Variants in DMRT1 observed in about 807,000 individuals in gnomAD.
DMRT1 encodes doublesex and mab-3 related transcription factor 1.
A neutral mutation model predicts 32.3 loss-of-function variants in DMRT1; 7 were observed. The observed-to-expected ratio is 0.22, with a 90% confidence interval of 0.12 to 0.41. DMRT1 has a LOEUF of 0.41. Ranked by LOEUF, DMRT1 falls within the 10% of genes least tolerant of loss-of-function variation. The pLI is 1.00. For missense variants in DMRT1, 625 were observed against 500.5 expected (o/e 1.25, Z -2.37); for synonymous variants, 278 against 206.1 (o/e 1.35, Z -2.99).
At chr9:902,866 C>G (rs982370843) in intron 3 of DMRT1, among the ~76,000 whole-genome samples, 25 of 152,028 alleles carry the variant, frequency 1.6e-4, no homozygotes, top group African/African-American at 6.0e-4. Context: ...CACAGGAACC[C>G]CAAGTAGGTT....
At chr9:930,629 C>G (rs186595063) in intron 4 of DMRT1, among the ~76,000 whole-genome samples, 1 of 151,940 alleles carries the variant, frequency 6.6e-6, no homozygotes, top group South Asian at 2.1e-4. Flanking sequence ...AGGATGGTCT[C>G]GATCTCCTGA....
intron 2 of DMRT1, among the ~76,000 whole-genome samples, chr9:874,689 C>G (rs544012637): frequency 1.3e-5 from 2 of 152,068 alleles, no homozygotes; most frequent in African/African-American, 4.8e-5. Flanking sequence ...TATGCATCCT[C>G]TCTGTGGACA....
intron 3 of DMRT1, among the ~76,000 whole-genome samples, chr9:911,262 T>A (rs1341728525): frequency 6.6e-6 from 1 of 152,096 alleles, no homozygotes; most frequent in Non-Finnish European, 1.5e-5. Context: ...CGTCTCCAGA[T>A]GTTGCCAGAT....
In DMRT1 at chr9:968,513, G is replaced by T; in HGVS notation, c.*374G>T. ...TAAAATGAAATCTTAGGTGCCTTAGGGGTTTTTTTTTTTTTTAAGTATTTT... is the reference window on the plus strand; with the variant it reads ...TAAAATGAAATCTTAGGTGCCTTAGTGGTTTTTTTTTTTTTTAAGTATTTT... On this transcript the variant is annotated 3_prime_UTR_variant, in exon 5 of 5. Transcript: ENST00000382276. The T allele has an allele frequency of 1.1e-5, 1 of 93,888 alleles. No homozygotes were observed. Among genetic ancestry groups the T allele is most frequent in the Non-Finnish European group, 2.1e-5 (1 of 47,150 alleles). The allele number at this position is 93,888 out of a possible 1,614,324, so 5.8% of individuals were successfully genotyped here. A position where few individuals can be genotyped will look rare whatever the true frequency, so the allele number is the denominator to read the frequency against.
chr9:904,942 C>CAA (rs71327357), intron 3 of DMRT1, among the ~76,000 whole-genome samples: 3,513 of 135,230 alleles, frequency 0.026, 108 homozygotes, highest in African/African-American at 0.071. Flanking sequence ...AACTCCGTCT[C>CAA]AAAAAAAAAA....
chr9:933,156 A>G (rs1395373507), intron 4 of DMRT1, among the ~76,000 whole-genome samples: 2 of 152,106 alleles, frequency 1.3e-5, no homozygotes, highest in Non-Finnish European at 2.9e-5. Flanking sequence ...CAGGTGATCA[A>G]TCCACCCTCC....
At chr9:862,007 C>G (rs1815721226) in intron 2 of DMRT1, among the ~76,000 whole-genome samples, 1 of 151,512 alleles carries the variant, frequency 6.6e-6, no homozygotes, top group African/African-American at 2.4e-5. Context: ...AGGTGCTCCT[C>G]ACTTCCCAGA....
At chr9:964,910 G>C (rs1444873088) in intron 4 of DMRT1, among the ~76,000 whole-genome samples, 4 of 152,164 alleles carry the variant, frequency 2.6e-5, no homozygotes, top group Non-Finnish European at 4.4e-5. Context: ...GACGCTAGGA[G>C]TTAGCATTTT....
intron 3 of DMRT1, among the ~76,000 whole-genome samples, chr9:896,060 C>T: frequency 6.6e-6 from 1 of 151,956 alleles, no homozygotes; most frequent in East Asian, 1.9e-4. Flanking sequence ...ACCTCAGCCT[C>T]CCAAAGTGCT....
intron 3 of DMRT1, among the ~76,000 whole-genome samples, chr9:915,450 G>T (rs1424980607): frequency 6.6e-6 from 1 of 151,932 alleles, no homozygotes; most frequent in East Asian, 2.0e-4. Context: ...CCTAAAGGCA[G>T]GGTCTGGTTG....
chr9:953,502 C>A (rs564984088), intron 4 of DMRT1, among the ~76,000 whole-genome samples: 6 of 152,282 alleles, frequency 3.9e-5, no homozygotes, highest in African/African-American at 1.4e-4. Context: ...GGCCTCTGCC[C>A]CCCCGACCTT....
intron 3 of DMRT1, among the ~76,000 whole-genome samples, chr9:906,031 C>CCACA (rs3084882): frequency 0.013 from 247 of 19,330 alleles, 2 homozygotes; most frequent in Admixed American, 0.018. Flanking sequence ...ACACACACAC[C>CCACA]CACACACACA....
chr9:903,167 C>A (rs77441406), intron 3 of DMRT1, among the ~76,000 whole-genome samples: 3 of 152,018 alleles, frequency 2.0e-5, no homozygotes, highest in African/African-American at 4.8e-5. Context: ...ATAGTGGACC[C>A]AATTCTCTTG....
intron 4 of DMRT1, among the ~76,000 whole-genome samples, chr9:966,869 A>G (rs1819947158): frequency 6.6e-6 from 1 of 152,224 alleles, no homozygotes; most frequent in Non-Finnish European, 1.5e-5. Flanking sequence ...AAATGACTTC[A>G]GCACTCAGCT....
At chr9:853,063 T>C (rs1484260413) in intron 2 of DMRT1, among the ~76,000 whole-genome samples, 1 of 152,156 alleles carries the variant, frequency 6.6e-6, no homozygotes, top group African/African-American at 2.4e-5. Flanking sequence ...CAACGGAAGA[T>C]AGTTGTTTAA....
intron 3 of DMRT1, among the ~76,000 whole-genome samples, chr9:898,116 T>C (rs990888579): frequency 6.6e-6 from 1 of 150,840 alleles, no homozygotes; most frequent in Non-Finnish European, 1.5e-5. Flanking sequence ...TTTTCTTTTG[T>C]TATTGTTGTT....
chr9:897,085 G>T (rs926710606), intron 3 of DMRT1, among the ~76,000 whole-genome samples: 1 of 124,306 alleles, frequency 8.0e-6, no homozygotes, highest in Non-Finnish European at 1.6e-5. Context: ...TTTATTTTTG[G>T]AATCATATTA....
intron 4 of DMRT1, among the ~76,000 whole-genome samples, chr9:926,378 T>C (rs1188590063): frequency 6.6e-6 from 1 of 152,178 alleles, no homozygotes; most frequent in East Asian, 1.9e-4. Context: ...TAAGTGCAAA[T>C]AGAAACACAA....
intron 2 of DMRT1, among the ~76,000 whole-genome samples, chr9:854,614 C>G (rs952731757): frequency 6.6e-6 from 1 of 152,026 alleles, no homozygotes; most frequent in Non-Finnish European, 1.5e-5. Context: ...AGTCTGGCCA[C>G]TTAAGTGAAA....
Sources: gnomAD v4.1 joint callset for allele counts (sites outside exome capture counted in the v4.1 genomes callset) on GRCh38, gnomAD v4.1.1 for gene constraint, MANE v1.5 for transcripts, NCBI Gene and HGNC (gene_info 2026-07-23, HGNC 2026-07-21) for gene names.